Variants in SGCZ observed in about 807,000 individuals in gnomAD.
SGCZ encodes sarcoglycan zeta, also known as zeta-sarcoglycan.
Under a neutral mutation model 41.3 loss-of-function variants are expected in SGCZ, and 40 were observed. The observed-to-expected ratio is 0.97, with a 90% confidence interval of 0.75 to 1.26. The LOEUF (loss-of-function observed/expected upper bound fraction) is 1.26. Ranked by LOEUF, SGCZ falls within the 50% of genes most tolerant of loss-of-function variation. The pLI is 0.00. For synonymous variants in SGCZ, 206 were observed against 137.5 expected (o/e 1.50, Z -3.49); for missense variants, 552 against 369.8 (o/e 1.49, Z -4.04).
chr8:15,153,233 C>A (rs1388960177), intron 1 of SGCZ, among the ~76,000 whole-genome samples: 3 of 136,660 alleles, frequency 2.2e-5, no homozygotes, highest in Non-Finnish European at 5.0e-5. Context: ...AATCCAGGTG[C>A]ATGGGTGGCA....
intron 5 of SGCZ, among the ~76,000 whole-genome samples, chr8:14,136,156 A>G (rs2116912531): frequency 6.6e-6 from 1 of 152,308 alleles, no homozygotes; most frequent in East Asian, 1.9e-4. Context: ...TGCTCTTCAA[A>G]CACTAAAGAA....
At chr8:14,548,089 T>C (rs2117169824) in intron 2 of SGCZ, among the ~76,000 whole-genome samples, 1 of 152,276 alleles carries the variant, frequency 6.6e-6, no homozygotes, top group South Asian at 2.1e-4. Context: ...TGGAACACTT[T>C]TATTATTTTA....
At chr8:14,780,046 T>C (rs1800536867) in intron 1 of SGCZ, among the ~76,000 whole-genome samples, 1 of 152,004 alleles carries the variant, frequency 6.6e-6, no homozygotes, top group South Asian at 2.1e-4. Context: ...ATGTACCCTG[T>C]TGGAGGCTGA....
chr8:14,520,293 T>C (rs777936810), intron 2 of SGCZ, among the ~76,000 whole-genome samples: 1 of 152,156 alleles, frequency 6.6e-6, no homozygotes, highest in African/African-American at 2.4e-5. Flanking sequence ...TTTCTAATCA[T>C]GGCCTCAACA....
At chr8:14,592,839 C>G (rs991795110) in intron 1 of SGCZ, among the ~76,000 whole-genome samples, 2 of 152,086 alleles carry the variant, frequency 1.3e-5, no homozygotes, top group African/African-American at 4.8e-5. Context: ...AGAGTTTAAT[C>G]AGACAGACTA....
At chr8:14,455,003 C>G (rs144094603) in intron 2 of SGCZ, among the ~76,000 whole-genome samples, 30 of 152,082 alleles carry the variant, frequency 2.0e-4, no homozygotes, top group African/African-American at 6.7e-4. Flanking sequence ...AACACAGAAG[C>G]AATCAAATAG....
chr8:14,166,899 T>C (rs1804228058), intron 4 of SGCZ, among the ~76,000 whole-genome samples: 1 of 152,066 alleles, frequency 6.6e-6, no homozygotes, highest in Non-Finnish European at 1.5e-5. Context: ...CGCACATAGA[T>C]GAGATGCATC....
At chr8:14,846,406 A>G (rs1290532484) in intron 1 of SGCZ, among the ~76,000 whole-genome samples, 2 of 152,120 alleles carry the variant, frequency 1.3e-5, no homozygotes, top group Non-Finnish European at 2.9e-5. Flanking sequence ...GGATCTCTGA[A>G]TAGATAAGTT....
At chr8:15,020,523 G>T (rs1411268929) in intron 1 of SGCZ, among the ~76,000 whole-genome samples, 1 of 152,016 alleles carries the variant, frequency 6.6e-6, no homozygotes, top group Non-Finnish European at 1.5e-5. Flanking sequence ...TATTATTCTT[G>T]ATTAAAATAT....
intron 1 of SGCZ, among the ~76,000 whole-genome samples, chr8:14,914,616 A>C (rs548743433): frequency 1.3e-5 from 2 of 152,224 alleles, no homozygotes; most frequent in Non-Finnish European, 2.9e-5. Context: ...CTATCAGGAA[A>C]ATAATTCAAG....
chr8:15,083,063 G>A (rs955934073), intron 1 of SGCZ, among the ~76,000 whole-genome samples: 3 of 152,080 alleles, frequency 2.0e-5, no homozygotes, highest in Admixed American at 1.3e-4. Flanking sequence ...TGAACTAATA[G>A]TCGTGTTCAA....
At chr8:14,426,190 T>C (rs1799778213) in intron 2 of SGCZ, among the ~76,000 whole-genome samples, 1 of 152,134 alleles carries the variant, frequency 6.6e-6, no homozygotes, top group African/African-American at 2.4e-5. Context: ...CCATTAAGCT[T>C]AATTTCTAGT....
At chr8:15,096,856 T>G (rs2131072669) in intron 1 of SGCZ, among the ~76,000 whole-genome samples, 1 of 152,120 alleles carries the variant, frequency 6.6e-6, no homozygotes, top group Admixed American at 6.5e-5. Context: ...TGGCTAATTT[T>G]TTTGTATTTT....
intron 1 of SGCZ, among the ~76,000 whole-genome samples, chr8:14,649,676 C>T (rs1201723389): frequency 6.6e-6 from 1 of 152,036 alleles, no homozygotes; most frequent in Non-Finnish European, 1.5e-5. Flanking sequence ...AGCCTAATTG[C>T]TAAACACGTA....
At chr8:14,875,922 A>C (rs1804341499) in intron 1 of SGCZ, among the ~76,000 whole-genome samples, 1 of 152,196 alleles carries the variant, frequency 6.6e-6, no homozygotes, top group Non-Finnish European at 1.5e-5. Flanking sequence ...TGGAGCTTTC[A>C]GAATAGCAGA....
intron 1 of SGCZ, among the ~76,000 whole-genome samples, chr8:15,201,154 CT>C (rs1268665373): frequency 6.6e-6 from 1 of 152,158 alleles, no homozygotes; most frequent in East Asian, 1.9e-4. Context: ...GCAGCTGGGA[CT>C]ACAGGCCTGT....
chr8:14,849,719 G>C (rs1425670574), intron 1 of SGCZ, among the ~76,000 whole-genome samples: 1 of 152,052 alleles, frequency 6.6e-6, no homozygotes, highest in African/African-American at 2.4e-5. Context: ...GTATCTTACA[G>C]TGGTGTCTAT....
At chr8:14,771,628 A>G (rs533532112) in intron 1 of SGCZ, among the ~76,000 whole-genome samples, 2 of 152,194 alleles carry the variant, frequency 1.3e-5, no homozygotes, top group South Asian at 2.1e-4. Context: ...TTAGGTAACA[A>G]TATATCATTT....
intron 1 of SGCZ, among the ~76,000 whole-genome samples, chr8:14,837,731 G>C (rs1366812290): frequency 2.0e-5 from 3 of 151,928 alleles, no homozygotes; most frequent in Admixed American, 6.6e-5. Flanking sequence ...ATTACAATGG[G>C]ATGGGTTTTT....
Sources: gnomAD v4.1 joint callset for allele counts (sites outside exome capture counted in the v4.1 genomes callset) on GRCh38, gnomAD v4.1.1 for gene constraint, MANE v1.5 for transcripts, NCBI Gene and HGNC (gene_info 2026-07-23, HGNC 2026-07-21) for gene names.